RNF111: variants seen among roughly 807,000 people sequenced by gnomAD.
RNF111 encodes the protein ring finger protein 111.
In RNF111, 17 loss-of-function variants were observed where a neutral mutation model predicts 95.1. The ratio of observed to expected loss-of-function variants is 0.18; its 90% confidence interval spans 0.12 to 0.27. The LOEUF (loss-of-function observed/expected upper bound fraction) is 0.27. Ranked by LOEUF, RNF111 falls within the 10% of genes least tolerant of loss-of-function variation. RNF111 has a pLI of 1.00. For synonymous variants in RNF111, 440 were observed against 414.8 expected (o/e 1.06, Z -0.74); for missense variants, 1,189 against 1,210.4 (o/e 0.98, Z 0.26).
Position 59,031,194 on chromosome 15 carries a change from A to T in RNF111, c.372A>T (p.Thr124=), listed in dbSNP as rs770222233. 1 of 1,614,138 alleles carries T rather than the reference A, an allele frequency of 6.2e-7. No homozygotes were observed. Among genetic ancestry groups the T allele is most frequent in the Non-Finnish European group, 8.5e-7 (1 of 1,180,038 alleles). The change falls in exon 2 of 14, where the codon ACA becomes ACT. Residue 124 remains threonine, a synonymous_variant. Transcript: ENST00000348370. The part of the protein sequence containing the change: ...GILGLRQHLG[T]PSDEDNDSSF... ...TAGGACTGAGGCAACACCTAGGGAC[A>T]CCAAGTGATGAAGATAATGATTCCT...
intron 5 of RNF111, among the ~76,000 whole-genome samples, chr15:59,059,050 G>A (rs777771378): frequency 1.4e-4 from 22 of 152,068 alleles, no homozygotes; most frequent in Middle Eastern, 3.2e-3. Context: ...GGTTGAGGGT[G>A]GAGGATCACT....
At chr15:59,007,924 A>T (rs766115179) in intron 1 of RNF111, among the ~76,000 whole-genome samples, 2 of 152,352 alleles carry the variant, frequency 1.3e-5, no homozygotes, top group East Asian at 3.9e-4. Context: ...ACATGTATAT[A>T]TAATTTTATC....
chr15:58,988,588 T>A (rs1215512027), intron 1 of RNF111, among the ~76,000 whole-genome samples: 1 of 152,272 alleles, frequency 6.6e-6, no homozygotes, highest in South Asian at 2.1e-4. Context: ...CTATTGTCCT[T>A]CGATAATTTA....
At chr15:59,092,747 A>C (rs1413113192) in intron 13 of RNF111, 107 bp downstream of exon 13, 1 of 1,148,226 alleles carries the variant, frequency 8.7e-7, no homozygotes, top group Non-Finnish European at 1.2e-6. Context: ...TAATTCCAGC[A>C]CTTTTTGAGG....
chr15:59,075,216 T>C (rs1254326127), intron 6 of RNF111, among the ~76,000 whole-genome samples: 1 of 152,222 alleles, frequency 6.6e-6, no homozygotes, highest in Non-Finnish European at 1.5e-5. Flanking sequence ...TAGACTTGCT[T>C]GACACAGTGT....
At chr15:59,092,729 C>T in intron 13 of RNF111, 89 bp downstream of exon 13, 1 of 1,292,430 alleles carries the variant, frequency 7.7e-7, no homozygotes, top group Non-Finnish European at 1.0e-6. Flanking sequence ...CATGATGGCT[C>T]ACACGTGTAA....
chr15:59,005,653 A>G (rs1165666336), intron 1 of RNF111, among the ~76,000 whole-genome samples: 1 of 152,040 alleles, frequency 6.6e-6, no homozygotes, highest in Non-Finnish European at 1.5e-5. Context: ...GGGTGTAGCT[A>G]GAGGATTGAA....
chr15:59,091,445 T>TA (rs1447296919), intron 12 of RNF111, among the ~76,000 whole-genome samples: 1 of 152,026 alleles, frequency 6.6e-6, no homozygotes, highest in Non-Finnish European at 1.5e-5. Context: ...TTGTCTACTT[T>TA]AAAAAAAACA....
At chr15:59,005,390 T>G (rs1196156532) in intron 1 of RNF111, among the ~76,000 whole-genome samples, 2 of 152,238 alleles carry the variant, frequency 1.3e-5, no homozygotes, top group Admixed American at 6.5e-5. Flanking sequence ...ATATGTAGAG[T>G]AAAAACAAAT....
At chr15:59,077,800 C>T (rs2078609263) in intron 7 of RNF111, among the ~76,000 whole-genome samples, 1 of 152,170 alleles carries the variant, frequency 6.6e-6, no homozygotes, top group Non-Finnish European at 1.5e-5. Flanking sequence ...AATTTACACA[C>T]CTCATTAGGA....
At chr15:59,010,100 G>A (rs558877365) in intron 1 of RNF111, among the ~76,000 whole-genome samples, 2 of 152,282 alleles carry the variant, frequency 1.3e-5, no homozygotes, top group Non-Finnish European at 2.9e-5. Flanking sequence ...GCCCTCACAT[G>A]AAATCATGGC....
At chr15:59,062,662 ACT>A (rs1313982883) in intron 5 of RNF111, among the ~76,000 whole-genome samples, 2 of 152,048 alleles carry the variant, frequency 1.3e-5, no homozygotes, top group Non-Finnish European at 2.9e-5. Flanking sequence ...GCCTATAATA[ACT>A]CTGATTTTTA....
chr15:59,074,521 C>G (rs1229621429), intron 6 of RNF111, among the ~76,000 whole-genome samples: 7 of 152,216 alleles, frequency 4.6e-5, no homozygotes, highest in Non-Finnish European at 8.8e-5. Context: ...GAACTAACCT[C>G]TGCTATCTTC....
At chr15:59,017,549 A>G (rs1384513155) in intron 1 of RNF111, among the ~76,000 whole-genome samples, 1 of 152,194 alleles carries the variant, frequency 6.6e-6, no homozygotes, top group Admixed American at 6.5e-5. Context: ...TTTAAAAGAG[A>G]GAACTCTTCA....
intron 3 of RNF111, among the ~76,000 whole-genome samples, chr15:59,053,641 C>G (rs975576233): frequency 1.3e-5 from 2 of 152,124 alleles, no homozygotes; most frequent in Non-Finnish European, 2.9e-5. Flanking sequence ...AAACTGAAAA[C>G]CAGTGTTATG....
Position 59,081,256 on chromosome 15 carries a change from C to A in RNF111, c.2269C>A (p.Gln757Lys). Residue 757 changes from glutamine to lysine, a missense_variant, in exon 8 of 14, where the codon CAA becomes AAA. Around this residue, in one of 2 missense-constraint regions of RNF111, gnomAD observed 1,024 missense variants for 925.9 expected, o/e 1.11. Coordinates refer to ENST00000348370, the MANE Select transcript of RNF111 (RefSeq NM_017610.8). ...PHEVMQRMEVQRRRMMQHPTR... is the reference protein window; with the variant it reads ...PHEVMQRMEVKRRRMMQHPTR... ...TGAAGTGATGCAGAGGATGGAAGTTCAAAGGAGGAGGATGATGCAGCATCC... is the reference window on the plus strand; with the variant it reads ...TGAAGTGATGCAGAGGATGGAAGTTAAAAGGAGGAGGATGATGCAGCATCC... 1 of 1,613,956 alleles carries A rather than the reference C, an allele frequency of 6.2e-7. No individual in the cohort carries two copies. The highest frequency in any genetic ancestry group is 1.1e-5 in the South Asian group (1 of 90,922).
chr15:59,040,984 A>AT (rs1350967868), intron 2 of RNF111, among the ~76,000 whole-genome samples: 6 of 151,862 alleles, frequency 4.0e-5, no homozygotes, highest in Non-Finnish European at 1.5e-5. Context: ...TAACTCTTTC[A>AT]TTTTTTTTCT....
chr15:59,084,375 T>A, intron 9 of RNF111, 121 bp downstream of exon 9: 1 of 972,822 alleles, frequency 1.0e-6, no homozygotes, highest in Non-Finnish European at 1.4e-6. Flanking sequence ...ATCCCCAGTT[T>A]AACTGAGACA....
chr15:59,093,530 G>T, intron 13 of RNF111: 2 of 334,646 alleles, frequency 6.0e-6, no homozygotes, highest in Non-Finnish European at 1.2e-5. Flanking sequence ...TTTATAAACT[G>T]GTTTTGTCAT....
Sources: gnomAD v4.1 joint callset for allele counts (sites outside exome capture counted in the v4.1 genomes callset) on GRCh38, gnomAD v4.1.1 for gene constraint, gnomAD v4.1.1 regional missense constraint, MANE v1.5 for transcripts, NCBI Gene and HGNC (gene_info 2026-07-23, HGNC 2026-07-21) for gene names.